The following KALRN variants were observed in gnomAD, a reference collection of about 807,000 sequenced individuals.
KALRN encodes kalirin.
KALRN carries 70 observed loss-of-function variants against 353.7 expected under a neutral mutation model. That is an observed-to-expected ratio of 0.20 (90% CI 0.16 to 0.24). The LOEUF (loss-of-function observed/expected upper bound fraction) is 0.24. KALRN is among the 10% of genes least tolerant of loss of function. The pLI is 1.00. For missense variants in KALRN, 2,791 were observed against 3,756.7 expected (o/e 0.74, Z 6.72); for synonymous variants, 1,391 against 1,434.8 (o/e 0.97, Z 0.69).
At chr3:124,658,344 T>C in intron 41 of KALRN, 87 bp from the exon 42 acceptor site, 2 of 984,284 alleles carry the variant, frequency 2.0e-6, no homozygotes, top group Non-Finnish European at 3.3e-6. Context: ...TTGTCCTTTG[T>C]CCACGTGGAG....
rs771409717 is a variant in KALRN, at chr3:124,462,610, A to G, written c.4008A>G (p.Gln1336=). ...AGCATATCATCTTTGGCAACATCCA[A>G]GAGATCTACGATTTCCATAACAAGT... ...NKEHIIFGNI[Q]EIYDFHNNIF... is the part of the protein sequence containing the mutation. The change falls in exon 25 of 60, where the codon CAA becomes CAG. Residue 1336 remains glutamine (Q), a synonymous_variant. Coordinates refer to ENST00000682506, the MANE Select transcript of KALRN (RefSeq NM_001388419.1). The G allele has an allele frequency of 7.2e-5, 116 of 1,607,514 alleles. No homozygotes were observed. The highest frequency in any genetic ancestry group is 9.6e-5 in the Non-Finnish European group (113 of 1,174,198).
chr3:124,118,714 T>A (rs941920359), intron 1 of KALRN, among the ~76,000 whole-genome samples: 1 of 152,254 alleles, frequency 6.6e-6, no homozygotes, highest in Non-Finnish European at 1.5e-5. Context: ...TCTCATATTT[T>A]TATAACGATG....
At chr3:124,595,887 A>G (rs1238658397) in intron 34 of KALRN, among the ~76,000 whole-genome samples, 2 of 152,304 alleles carry the variant, frequency 1.3e-5, no homozygotes, top group South Asian at 4.1e-4. Flanking sequence ...ATATAGACTG[A>G]TATGTAGGGT....
At chr3:124,186,331 G>C (rs1432411741) in intron 1 of KALRN, among the ~76,000 whole-genome samples, 3 of 152,146 alleles carry the variant, frequency 2.0e-5, no homozygotes, top group Non-Finnish European at 2.9e-5. Flanking sequence ...CCTGAGTTCA[G>C]TCCTGGTTCT....
chr3:124,380,112 A>G (rs951548977), intron 10 of KALRN, among the ~76,000 whole-genome samples: 1 of 152,140 alleles, frequency 6.6e-6, no homozygotes, highest in Non-Finnish European at 1.5e-5. Flanking sequence ...TATAAAGCCA[A>G]GATTCTCACT....
intron 49 of KALRN, chr3:124,677,467 C>T (rs186631100): frequency 1.7e-4 from 68 of 389,354 alleles, no homozygotes; most frequent in Admixed American, 3.6e-4. Flanking sequence ...TTGCTGCTCT[C>T]ACCTCCCTGG....
intron 1 of KALRN, among the ~76,000 whole-genome samples, chr3:124,138,547 A>T (rs2066221619): frequency 6.6e-6 from 1 of 152,212 alleles, no homozygotes; most frequent in Admixed American, 6.5e-5. Flanking sequence ...GTCAAAGATG[A>T]AAAGAGTGAC....
At chr3:124,223,578 G>A (rs2078152641) in intron 1 of KALRN, among the ~76,000 whole-genome samples, 1 of 152,168 alleles carries the variant, frequency 6.6e-6, no homozygotes, top group Non-Finnish European at 1.5e-5. Flanking sequence ...AGCAATCCAT[G>A]GATACTCTGG....
chr3:124,421,125 A>T (rs2150350419), intron 14 of KALRN, among the ~76,000 whole-genome samples: 1 of 152,342 alleles, frequency 6.6e-6, no homozygotes, highest in South Asian at 2.1e-4. Context: ...ATGAGGAGCC[A>T]GGGAAAGGAC....
intron 13 of KALRN, among the ~76,000 whole-genome samples, chr3:124,405,547 G>A (rs560400658): frequency 1.5e-4 from 23 of 151,694 alleles, no homozygotes; most frequent in East Asian, 3.9e-4. Flanking sequence ...ATGATAAAAG[G>A]CAAAGGTATG....
intron 34 of KALRN, among the ~76,000 whole-genome samples, chr3:124,576,041 G>A (rs965697487): frequency 1.3e-5 from 2 of 151,774 alleles, no homozygotes; most frequent in Admixed American, 6.6e-5. Context: ...CTCAGGGCCT[G>A]ATCTTTTGTT....
chr3:124,047,205 A>G (rs2040560069), intron 1 of KALRN, among the ~76,000 whole-genome samples: 1 of 152,226 alleles, frequency 6.6e-6, no homozygotes, highest in Admixed American at 6.5e-5. Context: ...AAATGGATCA[A>G]CTAATTAATA....
In KALRN at chr3:124,049,561, C is replaced by T. The variant is rs573659677; in HGVS notation, c.73+15748C>T. Among the ~76,000 whole-genome samples the T allele has an allele frequency of 7.8e-4, 119 of 152,162 alleles. 1 individual carries two copies. The South Asian group carries it at 0.012, about 15-fold the overall frequency. ...TCAGCTGCTTCTCTGGGGTCTCCTT[C>T]GGTTTTGAGTGTGGTTGAAAGCTGA... On this transcript the variant is annotated intron_variant, in intron 1 of 59. Coordinates refer to ENST00000682506, the MANE Select transcript of KALRN (RefSeq NM_001388419.1).
intron 34 of KALRN, among the ~76,000 whole-genome samples, chr3:124,578,786 T>C (rs1305664063): frequency 2.0e-5 from 3 of 149,632 alleles, no homozygotes; most frequent in African/African-American, 7.4e-5. Flanking sequence ...AAAAAACCTA[T>C]AGAATCCAAA....
rs75988107 is a variant in KALRN at position 124,649,609 on chromosome 3, TAAAC to T, written c.5665-1175_5665-1172del. On this transcript the variant is annotated intron_variant, in intron 37 of 59. Coordinates refer to ENST00000682506, the MANE Select transcript of KALRN (RefSeq NM_001388419.1). Reference sequence around the variant, plus strand: ...GGCAATGTAATGAGACCCAGTCTCTTAAACAAACAAACAAACAAACAAACAAAAA... The same window carrying T: ...GGCAATGTAATGAGACCCAGTCTCTTAAACAAACAAACAAACAAACAAAAA... Among the ~76,000 whole-genome samples, 150 of 143,448 alleles carry T rather than the reference TAAAC, an allele frequency of 1.0e-3. 1 individual carries two copies. The highest frequency in any genetic ancestry group is 3.4e-3 in the South Asian group (15 of 4,380). The allele number at this position is 143,448 out of a possible 152,430, so 94.1% of individuals were successfully genotyped here.
At chr3:124,565,120 C>T (rs1561300880) in intron 34 of KALRN, among the ~76,000 whole-genome samples, 4 of 152,224 alleles carry the variant, frequency 2.6e-5, no homozygotes, top group Admixed American at 1.3e-4. Context: ...ACTTCCTTTC[C>T]TCCACTAGAT....
chr3:124,159,668 C>T (rs371622294), intron 1 of KALRN, among the ~76,000 whole-genome samples: 1 of 151,276 alleles, frequency 6.6e-6, no homozygotes, highest in Admixed American at 6.6e-5. Context: ...TAGCCCATTT[C>T]TCTGATGCGT....
chr3:124,289,783 A>T (rs1451617013), intron 5 of KALRN, among the ~76,000 whole-genome samples: 1 of 152,232 alleles, frequency 6.6e-6, no homozygotes, highest in Non-Finnish European at 1.5e-5. Context: ...TTAAAATGGA[A>T]TTAACAATAT....
intron 25 of KALRN, among the ~76,000 whole-genome samples, chr3:124,472,529 T>C (rs1033301513): frequency 6.6e-6 from 1 of 151,964 alleles, no homozygotes; most frequent in African/African-American, 2.4e-5. Flanking sequence ...GTCTCTATTA[T>C]TATAAAAAAT....
Sources: gnomAD v4.1 joint callset for allele counts (sites outside exome capture counted in the v4.1 genomes callset) on GRCh38, gnomAD v4.1.1 for gene constraint, MANE v1.5 for transcripts, NCBI Gene and HGNC (gene_info 2026-07-23, HGNC 2026-07-21) for gene names.